Variants in EPSTI1 observed in about 807,000 individuals in gnomAD.
The protein encoded by EPSTI1 is epithelial stromal interaction 1.
EPSTI1 carries 66 observed loss-of-function variants against 49.9 expected under a neutral mutation model. That is an observed-to-expected ratio of 1.32 (90% confidence interval 1.08 to 1.62). The LOEUF (loss-of-function observed/expected upper bound fraction) is 1.62. EPSTI1 is among the 40% of genes most tolerant of loss of function. The probability of loss-of-function intolerance (pLI) is 0.00; values close to 1 mark genes in which losing one functional copy is unlikely to be tolerated. For synonymous variants in EPSTI1, 137 were observed against 130.7 expected (o/e 1.05, Z -0.33); for missense variants, 394 against 365.5 (o/e 1.08, Z -0.64).
intron 6 of EPSTI1, among the ~76,000 whole-genome samples, chr13:42,950,984 C>T (rs1000686639): frequency 1.3e-5 from 2 of 152,068 alleles, no homozygotes; most frequent in African/African-American, 4.8e-5. Flanking sequence ...TGGTGAAACC[C>T]TATCTCTACT....
Position 42,963,285 on chromosome 13 carries a change from G to C in EPSTI1, c.459C>G (p.Leu153=), listed in dbSNP as rs527579706. The change falls in exon 5 of 11, where the codon CTC becomes CTG. Residue 153 remains leucine (L), a synonymous_variant. Transcript: ENST00000313624. ...RIKKEAEEAE[L]QKMKAIQREK... ...CTCTCTGAATTGCCTTCATTTTTTGGAGTTCAGCTTCTTCAGCTTCCTTCT... is the reference window on the plus strand; with the variant it reads ...CTCTCTGAATTGCCTTCATTTTTTGCAGTTCAGCTTCTTCAGCTTCCTTCT... 20 of 1,613,258 alleles carry C rather than the reference G, an allele frequency of 1.2e-5. No individual in the cohort carries two copies. In the South Asian group the frequency reaches 2.1e-4, roughly 17 times the overall value.
At chr13:42,969,345 T>C in intron 2 of EPSTI1, 168 bp from the exon 3 acceptor site, 1 of 665,586 alleles carries the variant, frequency 1.5e-6, no homozygotes, top group Non-Finnish European at 2.5e-6. Context: ...CCCGTACAGG[T>C]CATCCTGGGC....
At chr13:42,916,202 T>C (rs9533302) in intron 8 of EPSTI1, among the ~76,000 whole-genome samples, 83,744 of 151,176 alleles carry the variant, frequency 0.55, 24,378 homozygotes, top group Non-Finnish European at 0.65. Flanking sequence ...ACTAGAATCT[T>C]ACCATAACAT....
intron 9 of EPSTI1, 76 bp downstream of exon 9, chr13:42,900,234 G>C: frequency 7.8e-7 from 1 of 1,284,584 alleles, no homozygotes; most frequent in Non-Finnish European, 1.1e-6. Context: ...TTATCGTAAT[G>C]CTTTCCTAAA....
At chr13:42,959,287 C>T (rs1358509838) in intron 5 of EPSTI1, among the ~76,000 whole-genome samples, 1 of 152,212 alleles carries the variant, frequency 6.6e-6, no homozygotes, top group Non-Finnish European at 1.5e-5. Flanking sequence ...GATCCTATTA[C>T]ATTTCAATAA....
chr13:42,905,460 C>G (rs971714735), intron 8 of EPSTI1, among the ~76,000 whole-genome samples: 1 of 152,202 alleles, frequency 6.6e-6, no homozygotes, highest in African/African-American at 2.4e-5. Flanking sequence ...GAGGATGTGT[C>G]TGCATGCCTT....
chr13:42,987,609 G>A (rs1245518004), intron 1 of EPSTI1, among the ~76,000 whole-genome samples: 2 of 152,012 alleles, frequency 1.3e-5, no homozygotes, highest in Non-Finnish European at 2.9e-5. Context: ...ACTATGATTA[G>A]TGTTAGTGTA....
At chr13:42,900,264 G>C in intron 9 of EPSTI1, 46 bp downstream of exon 9, 1 of 1,522,642 alleles carries the variant, frequency 6.6e-7, no homozygotes. Context: ...AAACTTTCTA[G>C]GTAATTGATT....
intron 6 of EPSTI1, chr13:42,934,806 A>T: frequency 4.9e-6 from 1 of 205,364 alleles, no homozygotes; most frequent in Non-Finnish European, 1.1e-5. Context: ...CTACCAGAAC[A>T]TTCACTCCCA....
chr13:42,927,320 C>T (rs558132319), intron 6 of EPSTI1, among the ~76,000 whole-genome samples: 18 of 152,326 alleles, frequency 1.2e-4, no homozygotes, highest in Middle Eastern at 3.4e-3. Context: ...TTAATTTCTA[C>T]GCCTTTGTCC....
At chr13:42,942,658 C>CTTTTTTTTTTTTTTTTTTT (rs1161224574) in intron 6 of EPSTI1, among the ~76,000 whole-genome samples, 1 of 64,626 alleles carries the variant, frequency 1.5e-5, no homozygotes, top group Non-Finnish European at 2.7e-5. Context: ...CCTGTTGATT[C>CTTTTTTTTTTTTTTTTTTT]TTTTTTTTTT....
intron 9 of EPSTI1, among the ~76,000 whole-genome samples, chr13:42,899,317 T>C (rs1306391758): frequency 6.6e-6 from 1 of 152,082 alleles, no homozygotes; most frequent in Non-Finnish European, 1.5e-5. Flanking sequence ...TACCCAACAA[T>C]ATAGCCTAAC....
chr13:42,906,383 C>A (rs1009359043), intron 8 of EPSTI1, among the ~76,000 whole-genome samples: 4 of 152,312 alleles, frequency 2.6e-5, no homozygotes, highest in Admixed American at 2.6e-4. Context: ...AACATGGGGT[C>A]ATTTTAAAAC....
rs551016019 is a variant in EPSTI1, at chr13:42,969,055, C to T, written c.331+39G>A. The T allele has an allele frequency of 3.7e-6, 6 of 1,606,710 alleles. No homozygotes were observed. The African/African-American group carries it at 6.7e-5, about 18-fold the overall frequency. On this transcript the variant is annotated intron_variant, in intron 3 of 10. Transcript: ENST00000313624. The stretch of plus-strand genomic sequence containing the variant: ...CTGCTTACAGGATCCATAGGTGGCC[C>T]CGCCCTCCCTCATTCCGGCAGCGGC...
intron 8 of EPSTI1, among the ~76,000 whole-genome samples, chr13:42,913,064 CTG>C (rs1462496733): frequency 6.6e-6 from 1 of 151,302 alleles, no homozygotes; most frequent in East Asian, 1.9e-4. Context: ...AATAGAAACA[CTG>C]TGAAATTTCT....
At chr13:42,955,798 A>G (rs2039241559) in intron 5 of EPSTI1, among the ~76,000 whole-genome samples, 1 of 147,372 alleles carries the variant, frequency 6.8e-6, no homozygotes, top group African/African-American at 2.5e-5. Flanking sequence ...GTGAAACTCC[A>G]TCTCAGAAGA....
intron 1 of EPSTI1, among the ~76,000 whole-genome samples, chr13:42,974,310 T>C (rs967605038): frequency 8.7e-5 from 13 of 150,088 alleles, no homozygotes; most frequent in Admixed American, 8.0e-4. Context: ...CACTCCAGCC[T>C]GGCCGATAAC....
intron 3 of EPSTI1, among the ~76,000 whole-genome samples, chr13:42,967,088 C>G (rs2039640677): frequency 2.0e-5 from 1 of 49,974 alleles, no homozygotes; most frequent in Middle Eastern, 0.015. Context: ...GCAGCATGCT[C>G]GTTAAGAGTC....
rs1291721853 is a variant in EPSTI1, at chr13:42,922,233, G to C, written c.657+4103C>G. On this transcript the variant is annotated intron_variant, in intron 7 of 10. Transcript: ENST00000313624. This position sits in a 1 kb window ranked among gnomAD's most constrained non-coding sequence, Gnocchi z 4.8. ...TAACTAAGAAAAGAAACAGGTGGTG[G>C]GTTGCATAATGGCCCCCCAAAGACG... Among the ~76,000 whole-genome samples, 2 of 152,192 alleles carry C rather than the reference G, an allele frequency of 1.3e-5. No individual in the cohort carries two copies. Among genetic ancestry groups the C allele is most frequent in the Admixed American group, 6.5e-5 (1 of 15,284 alleles).
Sources: gnomAD v4.1 joint callset for allele counts (sites outside exome capture counted in the v4.1 genomes callset) on GRCh38, gnomAD v4.1.1 for gene constraint, Gnocchi (gnomAD v3.1) non-coding constraint, MANE v1.5 for transcripts, NCBI Gene and HGNC (gene_info 2026-07-23, HGNC 2026-07-21) for gene names.